OTOP2: variants seen among roughly 807,000 people sequenced by gnomAD.
OTOP2 encodes proton channel OTOP2.
OTOP2 carries 41 observed loss-of-function variants against 47.4 expected under a neutral mutation model. The observed-to-expected ratio is 0.87, with a 90% CI of 0.67 to 1.12. The LOEUF is 1.12. OTOP2 is among the 50% of genes most tolerant of loss of function. OTOP2 has a pLI of 0.00. For missense variants in OTOP2, 721 were observed against 752.2 expected (o/e 0.96, Z 0.49); for synonymous variants, 328 against 319.6 (o/e 1.03, Z -0.28).
chr17:74,926,444 G>C (rs1027429436), intron 3 of OTOP2, among the ~76,000 whole-genome samples: 8 of 152,182 alleles, frequency 5.3e-5, no homozygotes, highest in Non-Finnish European at 7.3e-5. Context: ...TGGTAGCAAG[G>C]CCTGGTACGG....
rs138994724 is a variant in OTOP2, at chr17:74,933,427, A to C, written c.1571A>C (p.Glu524Ala). The C allele has an allele frequency of 1.0e-4, 164 of 1,613,928 alleles. No individual in the cohort carries two copies. The highest frequency in any genetic ancestry group is 1.3e-4 in the Non-Finnish European group (155 of 1,179,924). The change falls in exon 7 of 7, where the codon GAG becomes GCG. Residue 524 changes from glutamate (E) to alanine (A), a missense_variant. Coordinates refer to ENST00000331427, the MANE Select transcript of OTOP2 (RefSeq NM_178160.3). The surrounding 1 kb of genome is among the most constrained non-coding windows in gnomAD (Gnocchi z 4.7). ...GARPHFSNTV[E>A]VDFYGYSLWA... ...CGCCCTCATTTCAGCAACACAGTGGAGGTGGATTTCTACGGCTACTCCCTC... is the reference window on the plus strand; with the variant it reads ...CGCCCTCATTTCAGCAACACAGTGGCGGTGGATTTCTACGGCTACTCCCTC...
At chr17:74,927,602 T>C in intron 4 of OTOP2, 63 bp from the exon 5 acceptor site, 2 of 1,568,972 alleles carry the variant, frequency 1.3e-6, no homozygotes, top group South Asian at 1.2e-5. Context: ...CAGCTCTCAG[T>C]ATTGCTCCCC....
chr17:74,932,877 T>A (rs1233736407), intron 6 of OTOP2, among the ~76,000 whole-genome samples: 1 of 151,932 alleles, frequency 6.6e-6, no homozygotes, highest in Non-Finnish European at 1.5e-5. Context: ...CTCCCACTCC[T>A]GGAAAGGGAG....
intron 6 of OTOP2, among the ~76,000 whole-genome samples, chr17:74,932,912 G>A (rs1332167759): frequency 6.6e-6 from 1 of 152,136 alleles, no homozygotes; most frequent in Admixed American, 6.5e-5. Flanking sequence ...AGAGCTGGAG[G>A]GCAGAGCTCA....
At position 74,925,681 on chromosome 17, in the gene OTOP2, GTCA is replaced by G; in HGVS notation, c.445_447del (p.Ile149del). 1 of 1,614,186 alleles carries G rather than the reference GTCA, an allele frequency of 6.2e-7. No homozygotes were observed. Among genetic ancestry groups the G allele is most frequent in the Non-Finnish European group, 8.5e-7 (1 of 1,180,006 alleles). ...GCACCCCCTCATCCAGGCTGTGTTT[GTCA>G]TCATCCAGGTGGGTGGAGGAGTGTC... On this transcript the variant is annotated inframe_deletion, in exon 3 of 7. Coordinates refer to ENST00000331427, the MANE Select transcript of OTOP2 (RefSeq NM_178160.3).
At chr17:74,931,279 A>G (rs1240249757) in intron 6 of OTOP2, 126 bp downstream of exon 6, 13 of 1,319,004 alleles carry the variant, frequency 9.9e-6, no homozygotes, top group Non-Finnish European at 1.3e-5. Flanking sequence ...ACAGCTCTCT[A>G]GGAAAGGAGC....
intron 6 of OTOP2, among the ~76,000 whole-genome samples, chr17:74,932,873 C>A (rs918945091): frequency 6.6e-6 from 1 of 152,176 alleles, no homozygotes; most frequent in Admixed American, 6.5e-5. Flanking sequence ...CTTCCTCCCA[C>A]TCCTGGAAAG....
At chr17:74,928,258 T>C (rs980732788) in intron 5 of OTOP2, among the ~76,000 whole-genome samples, 9 of 151,904 alleles carry the variant, frequency 5.9e-5, no homozygotes, top group African/African-American at 1.9e-4. Flanking sequence ...GGAGGGAGGA[T>C]TGCTTGAGCC....
chr17:74,931,022 AACCCCGGGCTGGTTAGCCCC>A lies in OTOP2; in HGVS notation c.1389_1408del (p.Asn463LysfsTer194). 1.2e-6 allele frequency: 2 copies of A among 1,614,094 alleles called. No homozygotes were observed. The highest frequency in any genetic ancestry group is 1.7e-6 in the Non-Finnish European group (2 of 1,180,010). ...CCACACGTTGTCCGCCTGCCCACCC[AACCCCGGGCTGGTTAGCCCC>A]AGCCCTTCAGACCAGCGGGAAGCAG... On this transcript the variant is annotated frameshift_variant, in exon 6 of 7. Coordinates refer to ENST00000331427, the MANE Select transcript of OTOP2 (RefSeq NM_178160.3). LOFTEE classifies it high-confidence loss of function.
chr17:74,924,405 C>A lies in OTOP2; in HGVS notation c.-34+72C>A. 1.8e-6 allele frequency: 1 copy of A among 547,854 alleles called. No individual in the cohort carries two copies. Among genetic ancestry groups the A allele is most frequent in the Non-Finnish European group, 3.1e-6 (1 of 319,294 alleles). 33.9% of individuals were successfully genotyped at this position (547,854 alleles called of 1,614,324 possible). A position where few individuals can be genotyped will look rare whatever the true frequency, so the allele number is the denominator to read the frequency against. ...CTTGGAGGGGTCCAACCGGGTGCTG[C>A]CGCTTCTCCTTTCTTCCCATCCAGC... On this transcript the variant is annotated intron_variant, in intron 1 of 6. Transcript: ENST00000331427. The surrounding 1 kb of genome is among the most constrained non-coding windows in gnomAD (Gnocchi z 7.7).
chr17:74,930,859 G>A lies in OTOP2; in HGVS notation c.1224G>A (p.Leu408=), dbSNP rs1273536232. 1 of 1,614,078 alleles carries A rather than the reference G, an allele frequency of 6.2e-7. No homozygotes were observed. The highest frequency in any genetic ancestry group is 1.3e-5 in the African/African-American group (1 of 75,000). The change falls in exon 6 of 7, where the codon CTG becomes CTA. Residue 408 remains leucine (L), a synonymous_variant. Coordinates refer to ENST00000331427, the MANE Select transcript of OTOP2 (RefSeq NM_178160.3). This position sits in a 1 kb window ranked among gnomAD's most constrained non-coding sequence, Gnocchi z 4.0. Reference sequence around the variant, plus strand: ...CAGGGCTCAACCTCACCCATGCACTGCTCATGATCGCCCAGCACACCTTCC... The same window carrying A: ...CAGGGCTCAACCTCACCCATGCACTACTCATGATCGCCCAGCACACCTTCC... ...LLAGLNLTHA[L]LMIAQHTFQN...
intron 6 of OTOP2, among the ~76,000 whole-genome samples, chr17:74,931,577 G>A (rs2144769175): frequency 6.6e-6 from 1 of 152,310 alleles, no homozygotes; most frequent in South Asian, 2.1e-4. Flanking sequence ...AGTGTTAAGT[G>A]TGAGCGGTCT....
rs34787462 is a variant in OTOP2, at chr17:74,927,255, C to T, written c.483C>T (p.Cys161=). 53 of 1,613,422 alleles carry T rather than the reference C, an allele frequency of 3.3e-5. No individual in the cohort carries two copies. Among genetic ancestry groups the T allele is most frequent in the African/African-American group, 6.7e-5 (5 of 74,910 alleles). The change falls in exon 4 of 7, where the codon TGC becomes TGT. Residue 161 remains cysteine (C), a synonymous_variant. Transcript: ENST00000331427. The stretch of plus-strand genomic sequence containing the variant: ...TTCTCTGGGTCTCTGCTAAAGACTG[C>T]GTTCACGTCCACCTGGATCTGACCT... ...TYFLWVSAKD[C]VHVHLDLTWC... is the part of the protein sequence containing the mutation.
intron 2 of OTOP2, among the ~76,000 whole-genome samples, chr17:74,925,171 C>A (rs1309141093): frequency 6.6e-6 from 1 of 152,082 alleles, no homozygotes; most frequent in Non-Finnish European, 1.5e-5. Context: ...TCTTTGCCCC[C>A]GGTCTGAAGA....
intron 6 of OTOP2, 62 bp downstream of exon 6, chr17:74,931,215 C>A: frequency 6.5e-7 from 1 of 1,527,774 alleles, no homozygotes; most frequent in Non-Finnish European, 8.8e-7. Flanking sequence ...GATGCTCTTG[C>A]AGGCTTAAGC....
intron 3 of OTOP2, 74 bp downstream of exon 3, chr17:74,925,766 C>T (rs554252546): frequency 9.4e-6 from 15 of 1,591,924 alleles, no homozygotes; most frequent in Admixed American, 3.4e-5. Flanking sequence ...AACAAGGGGT[C>T]GGAGACCTGA....
chr17:74,930,975 CCTT>C lies in OTOP2; in HGVS notation c.1342_1344del (p.Phe448del). On this transcript the variant is annotated inframe_deletion, in exon 6 of 7. Coordinates refer to ENST00000331427, the MANE Select transcript of OTOP2 (RefSeq NM_178160.3). The surrounding 1 kb of genome is among the most constrained non-coding windows in gnomAD (Gnocchi z 4.0). The stretch of plus-strand genomic sequence containing the variant: ...CCCAAGGAGCCCTGCCAAGACCTCA[CCTT>C]CACCAACCTGGATGCCCTCCACACG... 1 of 1,614,142 alleles carries C rather than the reference CCTT, an allele frequency of 6.2e-7. No individual in the cohort carries two copies. Among genetic ancestry groups the C allele is most frequent in the Non-Finnish European group, 8.5e-7 (1 of 1,180,028 alleles).
intron 6 of OTOP2, among the ~76,000 whole-genome samples, chr17:74,932,899 G>A (rs995977344): frequency 6.6e-6 from 1 of 152,166 alleles, no homozygotes; most frequent in Non-Finnish European, 1.5e-5. Context: ...AGGGGATGAG[G>A]GGAGAGCTGG....
In OTOP2 at chr17:74,927,804, T is replaced by C; in HGVS notation, c.643+6T>C. ...CGCCCGTCTCATCTCTGACCGTGAG[T>C]TTCCTCTTAATGCTGGCCCTGTGGC... On this transcript the variant is annotated splice_donor_region_variant and intron_variant, in intron 5 of 6. Transcript: ENST00000331427. The C allele has an allele frequency of 6.2e-7, 1 of 1,613,214 alleles. No homozygotes were observed. The highest frequency in any genetic ancestry group is 8.5e-7 in the Non-Finnish European group (1 of 1,179,642).
Sources: gnomAD v4.1 joint callset for allele counts (sites outside exome capture counted in the v4.1 genomes callset) on GRCh38, gnomAD v4.1.1 for gene constraint, Gnocchi (gnomAD v3.1) non-coding constraint, MANE v1.5 for transcripts, NCBI Gene and HGNC (gene_info 2026-07-23, HGNC 2026-07-21) for gene names.